The following MYOM1 variants were observed in gnomAD, a reference collection of about 807,000 sequenced individuals.
The protein encoded by MYOM1 is myomesin-1.
A neutral mutation model predicts 205.3 loss-of-function variants in MYOM1; 164 were observed. The observed-to-expected ratio is 0.80, with a 90% confidence interval of 0.70 to 0.91. The LOEUF is 0.91. Among genes scored for constraint, MYOM1 ranks in the 40% least tolerant of loss-of-function variants. The pLI is 0.00. For synonymous variants in MYOM1, 772 were observed against 789.4 expected (o/e 0.98, Z 0.37); for missense variants, 2,011 against 2,127.3 (o/e 0.95, Z 1.08).
rs74911025 is a variant in MYOM1, at chr18:3,169,647, A to C, written c.1175-666T>G. 6.3e-4 allele frequency among the ~76,000 whole-genome samples: 96 copies of C among 152,320 alleles called. 2 individuals are homozygous for C. The East Asian group carries it at 0.015, about 24-fold the overall frequency. ...ATTAAAATGTATCCAAAAGACAGGC[A>C]ATAACGCTGACAAAGATGTGGAGAC... is the stretch of plus-strand genomic sequence containing the variant. On this transcript the variant is annotated intron_variant, in intron 8 of 37. Transcript: ENST00000356443.
At chr18:3,156,009 A>G (rs1192039846) in intron 10 of MYOM1, among the ~76,000 whole-genome samples, 1 of 152,232 alleles carries the variant, frequency 6.6e-6, no homozygotes, top group East Asian at 1.9e-4. Context: ...GAAACACTAC[A>G]ATCCCTTTTT....
intron 16 of MYOM1, among the ~76,000 whole-genome samples, chr18:3,132,998 A>G (rs2079900410): frequency 6.6e-6 from 1 of 152,074 alleles, no homozygotes; most frequent in Non-Finnish European, 1.5e-5. Flanking sequence ...TTCAGTCCTT[A>G]GAGTCAGCTT....
chr18:3,155,167 C>A, intron 10 of MYOM1, 79 bp from the exon 11 acceptor site: 1 of 1,380,848 alleles, frequency 7.2e-7, no homozygotes, highest in East Asian at 2.5e-5. Flanking sequence ...GCACACGCTT[C>A]TTACCACATC....
intron 36 of MYOM1, among the ~76,000 whole-genome samples, chr18:3,073,174 G>A (rs1464061442): frequency 1.3e-5 from 2 of 152,034 alleles, no homozygotes; most frequent in African/African-American, 4.8e-5. Flanking sequence ...GTAGTTCTTG[G>A]TAGTGCTGTG....
chr18:3,136,748 T>C (rs2143918151), intron 14 of MYOM1, among the ~76,000 whole-genome samples: 1 of 152,272 alleles, frequency 6.6e-6, no homozygotes, highest in South Asian at 2.1e-4. Context: ...TTCTTGGTCC[T>C]TTTCTTATCA....
chr18:3,179,253 T>C lies in MYOM1; in HGVS notation c.930-3119A>G, dbSNP rs1040535145. Among the ~76,000 whole-genome samples, 24 of 152,180 alleles carry C rather than the reference T, an allele frequency of 1.6e-4. No individual in the cohort carries two copies. Among genetic ancestry groups the C allele is most frequent in the African/African-American group, 5.8e-4 (24 of 41,446 alleles). On this transcript the variant is annotated intron_variant, in intron 5 of 37. Transcript: ENST00000356443. This position sits in a 1 kb window ranked among gnomAD's most constrained non-coding sequence, Gnocchi z 4.4. ...GGCGCTCAGAATTGGTTAAATTTGG[T>C]TGAACAGAATTAGCACGTAATGCAA...
At chr18:3,102,282 G>A (rs2079389450) in intron 23 of MYOM1, among the ~76,000 whole-genome samples, 192 bp downstream of exon 23, 1 of 152,082 alleles carries the variant, frequency 6.6e-6, no homozygotes, top group Admixed American at 6.5e-5. Context: ...GGGATTAGAG[G>A]TGTGAGCCAC....
upstream of MYOM1, among the ~76,000 whole-genome samples, chr18:3,224,701 G>A (rs1247816240): frequency 1.3e-5 from 2 of 152,142 alleles, no homozygotes; most frequent in Non-Finnish European, 2.9e-5. Flanking sequence ...GTCTCACTCT[G>A]TCGCCCAGGC....
At chr18:3,159,017 A>C (rs1395128453) in intron 10 of MYOM1, among the ~76,000 whole-genome samples, 1 of 151,970 alleles carries the variant, frequency 6.6e-6, no homozygotes, top group East Asian at 1.9e-4. Context: ...ATCCTTTATC[A>C]CTTTATTATT....
rs1310798075 is a variant in MYOM1, at chr18:3,133,947, TG to T, written c.2384+702del. ...TTGTGATCATAGCTCACTGCAGCCT[TG>T]ATCTCCCAGGCTCAAGGAATTCTCC... On this transcript the variant is annotated intron_variant, in intron 16 of 37. Transcript: ENST00000356443. Among the ~76,000 whole-genome samples the T allele has an allele frequency of 2.0e-5, 3 of 152,194 alleles. No homozygotes were observed. In the East Asian group the frequency reaches 5.8e-4, roughly 29 times the overall value.
chr18:3,174,796 C>T (rs528238333), intron 6 of MYOM1, among the ~76,000 whole-genome samples: 2 of 152,312 alleles, frequency 1.3e-5, no homozygotes, highest in African/African-American at 4.8e-5. Context: ...AAGTTATTTA[C>T]ACTTCATTTC....
the MYOM1 span, among the ~76,000 whole-genome samples, chr18:3,228,841 G>A: frequency 6.6e-6 from 1 of 152,108 alleles, no homozygotes; most frequent in Non-Finnish European, 1.5e-5. This position sits in a 1 kb window ranked among gnomAD's most constrained non-coding sequence, Gnocchi z 4.5. Context: ...CACACAAATG[G>A]AATCCTACCA....
chr18:3,235,050 C>T, the MYOM1 span, among the ~76,000 whole-genome samples: 1 of 152,040 alleles, frequency 6.6e-6, no homozygotes, highest in African/African-American at 2.4e-5. Flanking sequence ...AGCCACTGCG[C>T]CTGGCCCGAC....
the MYOM1 span, among the ~76,000 whole-genome samples, chr18:3,244,188 G>C: frequency 2.6e-5 from 4 of 152,110 alleles, no homozygotes; most frequent in East Asian, 5.8e-4. Context: ...AAGCAAAACT[G>C]TCTCTCCAGA....
intron 2 of MYOM1, among the ~76,000 whole-genome samples, chr18:3,212,711 G>A (rs1297177105): frequency 1.3e-5 from 2 of 152,198 alleles, no homozygotes; most frequent in African/African-American, 4.8e-5. Flanking sequence ...TATTTAAAAT[G>A]TAATCTTTCT....
At chr18:3,073,468 C>T (rs956781225) in intron 36 of MYOM1, among the ~76,000 whole-genome samples, 7 of 152,218 alleles carry the variant, frequency 4.6e-5, no homozygotes, top group Non-Finnish European at 1.0e-4. Context: ...TAAAGCTTTG[C>T]TTTTGGTGAA....
chr18:3,154,616 TACACACAC>T (rs10625884), intron 11 of MYOM1, among the ~76,000 whole-genome samples: 53 of 145,934 alleles, frequency 3.6e-4, no homozygotes, highest in African/African-American at 8.6e-4. Context: ...ACCTACTCAA[TACACACAC>T]ACACACACAC....
chr18:3,161,924 C>T (rs2080396655), intron 10 of MYOM1, among the ~76,000 whole-genome samples: 1 of 152,142 alleles, frequency 6.6e-6, no homozygotes, highest in Admixed American at 6.6e-5. Flanking sequence ...AGAGGTCCTT[C>T]TGAGAGTAAT....
At chr18:3,161,779 T>C (rs1225222707) in intron 10 of MYOM1, among the ~76,000 whole-genome samples, 1 of 152,254 alleles carries the variant, frequency 6.6e-6, no homozygotes, top group African/African-American at 2.4e-5. Context: ...CTGCTTCTAA[T>C]TAACTGAAGT....
Sources: gnomAD v4.1 joint callset for allele counts (sites outside exome capture counted in the v4.1 genomes callset) on GRCh38, gnomAD v4.1.1 for gene constraint, Gnocchi (gnomAD v3.1) non-coding constraint, MANE v1.5 for transcripts, NCBI Gene and HGNC (gene_info 2026-07-23, HGNC 2026-07-21) for gene names.